The following PLEKHA5 variants were observed in gnomAD, a reference collection of about 807,000 sequenced individuals.
The protein encoded by PLEKHA5 is pleckstrin homology domain containing A5, also known as pleckstrin homology domain-containing family A member 5.
Under a neutral mutation model 181.9 loss-of-function variants are expected in PLEKHA5, and 55 were observed. The observed-to-expected ratio is 0.30, with a 90% CI of 0.24 to 0.38. The LOEUF is 0.38. PLEKHA5 is among the 10% of genes least tolerant of loss of function. The pLI is 1.00. For synonymous variants in PLEKHA5, 535 were observed against 529.4 expected (o/e 1.01, Z -0.15); for missense variants, 1,432 against 1,549.5 (o/e 0.92, Z 1.27).
At chr12:19,232,844 A>G (rs1412469571) in intron 3 of PLEKHA5, among the ~76,000 whole-genome samples, 1 of 152,182 alleles carries the variant, frequency 6.6e-6, no homozygotes, top group Admixed American at 6.5e-5. Context: ...GTATCAAATG[A>G]GGATGACTAG....
chr12:19,364,207 C>CA (rs980342625), intron 29 of PLEKHA5, among the ~76,000 whole-genome samples: 22 of 152,154 alleles, frequency 1.4e-4, no homozygotes, highest in African/African-American at 5.3e-4. Flanking sequence ...AAGTGGGAGT[C>CA]AGAGTATCAT....
At chr12:19,216,173 TG>T (rs1174650393) in intron 3 of PLEKHA5, among the ~76,000 whole-genome samples, 1 of 152,186 alleles carries the variant, frequency 6.6e-6, no homozygotes, top group Non-Finnish European at 1.5e-5. Flanking sequence ...GAATTTCTCA[TG>T]TGGGTTTTTA....
At chr12:19,149,215 A>G (rs184354806) in intron 3 of PLEKHA5, among the ~76,000 whole-genome samples, 5 of 152,314 alleles carry the variant, frequency 3.3e-5, no homozygotes, top group African/African-American at 1.2e-4. Context: ...GCTCTATGAC[A>G]AACCATTCAA....
rs1289262770 is a variant in PLEKHA5, at chr12:19,254,029, TAAAG to T, written c.311+8_311+11del. 6.5e-7 allele frequency: 1 copy of T among 1,538,556 alleles called. No individual in the cohort carries two copies. The highest frequency in any genetic ancestry group is 2.3e-5 in the East Asian group (1 of 44,398). On this transcript the variant is annotated splice_region_variant and intron_variant, in intron 4 of 31. Coordinates refer to ENST00000429027, the MANE Select transcript of PLEKHA5 (RefSeq NM_001256470.2). Reference sequence around the variant, plus strand: ...ATTTTTGTAGTGAATGAACAGTAAGTAAAGAGTTTCATGGAATGCCTGTATTCAA... The same window carrying T: ...ATTTTTGTAGTGAATGAACAGTAAGTAGTTTCATGGAATGCCTGTATTCAA...
chr12:19,181,004 T>G (rs2048421178), intron 3 of PLEKHA5, among the ~76,000 whole-genome samples: 1 of 149,680 alleles, frequency 6.7e-6, no homozygotes, highest in African/African-American at 2.5e-5. Flanking sequence ...TAAAGTTTTA[T>G]ATGTTTCACA....
chr12:19,161,485 A>T (rs181421958), intron 3 of PLEKHA5, among the ~76,000 whole-genome samples: 121 of 152,290 alleles, frequency 7.9e-4, no homozygotes, highest in African/African-American at 2.8e-3. Context: ...ATTAAAACGC[A>T]CAATCAGCAC....
rs937670948 is a variant in PLEKHA5, at chr12:19,245,739, A to C, written c.228-8201A>C. Among the ~76,000 whole-genome samples the C allele has an allele frequency of 4.0e-5, 6 of 150,680 alleles. No homozygotes were observed. The South Asian group carries it at 8.4e-4, about 21-fold the overall frequency. ...TGAGACTGTCAAAAAAAAAAAAAAA[A>C]AAAAAAAAAAACCTTCCTTTTAACT... On this transcript the variant is annotated intron_variant, in intron 3 of 31. Transcript: ENST00000429027.
At chr12:19,326,040 A>G (rs1565619861) in intron 20 of PLEKHA5, among the ~76,000 whole-genome samples, 1 of 151,914 alleles carries the variant, frequency 6.6e-6, no homozygotes, top group Non-Finnish European at 1.5e-5. Context: ...AAAATAAAAT[A>G]AATAAAATAG....
intron 15 of PLEKHA5, among the ~76,000 whole-genome samples, chr12:19,301,894 C>T (rs1448043516): frequency 6.6e-6 from 1 of 152,170 alleles, no homozygotes; most frequent in Non-Finnish European, 1.5e-5. Flanking sequence ...ACCCTTCAAT[C>T]TCAGGTTCTT....
At chr12:19,302,906 A>ATT (rs34702332) in intron 15 of PLEKHA5, among the ~76,000 whole-genome samples, 1,128 of 54,072 alleles carry the variant, frequency 0.021, 167 homozygotes, top group Middle Eastern at 0.068. Flanking sequence ...TCTGTATGAA[A>ATT]TTTTTTTTTT....
chr12:19,247,653 T>C (rs1309820559), intron 3 of PLEKHA5, among the ~76,000 whole-genome samples: 2 of 151,918 alleles, frequency 1.3e-5, no homozygotes, highest in African/African-American at 4.8e-5. Flanking sequence ...CTTCTGATTG[T>C]AGTAAATGAT....
intron 3 of PLEKHA5, among the ~76,000 whole-genome samples, chr12:19,251,404 C>G (rs1314193078): frequency 3.8e-5 from 1 of 26,302 alleles, no homozygotes; most frequent in East Asian, 4.5e-4. Flanking sequence ...AAAACTCTGT[C>G]TCAAAAAAAA....
At chr12:19,306,520 G>A (rs750560513) in intron 15 of PLEKHA5, 3 of 735,194 alleles carry the variant, frequency 4.1e-6, no homozygotes, top group South Asian at 1.4e-5. Context: ...GTTGAAGCAG[G>A]AGGGAGAACG....
intron 3 of PLEKHA5, among the ~76,000 whole-genome samples, chr12:19,156,012 A>G (rs980506498): frequency 1.3e-5 from 2 of 152,158 alleles, no homozygotes; most frequent in African/African-American, 4.8e-5. Context: ...TAATTGCTAC[A>G]TGTTATTTTT....
chr12:19,304,393 A>G (rs2082532609), intron 15 of PLEKHA5, among the ~76,000 whole-genome samples: 1 of 152,230 alleles, frequency 6.6e-6, no homozygotes, highest in East Asian at 1.9e-4. Flanking sequence ...AAAGGCAGTT[A>G]AAATCTCTTA....
chr12:19,270,333 G>T (rs530885934), intron 10 of PLEKHA5, 128 bp downstream of exon 10: 22 of 455,328 alleles, frequency 4.8e-5, no homozygotes, highest in African/African-American at 4.4e-4. Context: ...TTCTGTAATA[G>T]TGTGTTGATG....
chr12:19,134,914 T>G (rs2035155562), intron 3 of PLEKHA5, among the ~76,000 whole-genome samples: 1 of 152,110 alleles, frequency 6.6e-6, no homozygotes, highest in African/African-American at 2.4e-5. Context: ...GTGGCTATAG[T>G]TTTTCATTGT....
At chr12:19,264,728 T>C (rs922078480) in intron 7 of PLEKHA5, among the ~76,000 whole-genome samples, 1 of 152,198 alleles carries the variant, frequency 6.6e-6, no homozygotes, top group African/African-American at 2.4e-5. Context: ...CACCAGATAC[T>C]CTGGAAATGA....
intron 8 of PLEKHA5, among the ~76,000 whole-genome samples, chr12:19,267,178 T>C (rs1440177686): frequency 6.6e-6 from 1 of 152,188 alleles, no homozygotes; most frequent in Non-Finnish European, 1.5e-5. Context: ...TTTTTCAGTC[T>C]GTTTTAGAGT....
Sources: gnomAD v4.1 joint callset for allele counts (sites outside exome capture counted in the v4.1 genomes callset) on GRCh38, gnomAD v4.1.1 for gene constraint, MANE v1.5 for transcripts, NCBI Gene and HGNC (gene_info 2026-07-23, HGNC 2026-07-21) for gene names.